The following SOX5 variants were observed in gnomAD, a reference collection of about 807,000 sequenced individuals.
SOX5 encodes the protein transcription factor SOX-5.
Under a neutral mutation model 92.0 loss-of-function variants are expected in SOX5, and 9 were observed. The observed-to-expected ratio is 0.10, with a 90% CI of 0.06 to 0.17. SOX5 has a LOEUF of 0.17. Among genes scored for constraint, SOX5 ranks in the 10% least tolerant of loss-of-function variants. SOX5 has a pLI of 1.00. For missense variants in SOX5, 642 were observed against 944.5 expected, an observed-to-expected ratio of 0.68 and a Z score of 4.20; for synonymous variants, 344 against 336.3, an observed-to-expected ratio of 1.02 and a Z score of -0.25.
At chr12:24,354,071 A>G (rs1954478025) in intron 2 of SOX5, among the ~76,000 whole-genome samples, 1 of 152,236 alleles carries the variant, frequency 6.6e-6, no homozygotes, top group Non-Finnish European at 1.5e-5. Context: ...TATAGATTAG[A>G]TTAAAACTAG....
intron 4 of SOX5, among the ~76,000 whole-genome samples, chr12:24,003,266 G>T (rs572408902): frequency 6.6e-6 from 1 of 151,982 alleles, no homozygotes; most frequent in East Asian, 1.9e-4. Context: ...CTGTTTGCTC[G>T]CATGATTTCC....
At chr12:24,270,113 G>A (rs2140317511) in intron 3 of SOX5, among the ~76,000 whole-genome samples, 1 of 152,060 alleles carries the variant, frequency 6.6e-6, no homozygotes, top group Non-Finnish European at 1.5e-5. Flanking sequence ...CCAGGCTGGA[G>A]TGCAGTGGCA....
chr12:24,475,858 TG>T (rs1253490092), intron 1 of SOX5, among the ~76,000 whole-genome samples: 2 of 152,140 alleles, frequency 1.3e-5, no homozygotes, highest in Non-Finnish European at 2.9e-5. Flanking sequence ...AGCATGTGCC[TG>T]TGGTTCCAAC....
chr12:23,616,942 A>G (rs1004908308), intron 8 of SOX5, among the ~76,000 whole-genome samples: 12 of 152,048 alleles, frequency 7.9e-5, no homozygotes, highest in African/African-American at 2.9e-4. Flanking sequence ...CAACATAGCG[A>G]AACCCCATTT....
chr12:23,897,752 C>A (rs1465847550), intron 1 of SOX5, among the ~76,000 whole-genome samples: 1 of 151,982 alleles, frequency 6.6e-6, no homozygotes, highest in Non-Finnish European at 1.5e-5. Context: ...AACAGTAAAC[C>A]GATCAGATGT....
chr12:24,095,757 A>C (rs1380901180), intron 4 of SOX5, among the ~76,000 whole-genome samples: 1 of 152,096 alleles, frequency 6.6e-6, no homozygotes. Context: ...TGTTCTTGTG[A>C]TAGTGAGTGA....
intron 4 of SOX5, among the ~76,000 whole-genome samples, chr12:24,068,761 T>C (rs1323266262): frequency 8.1e-6 from 1 of 123,646 alleles, no homozygotes; most frequent in African/African-American, 2.9e-5. Flanking sequence ...CACACACACA[T>C]TAGTTCCTAG....
chr12:24,039,150 C>G (rs985621209), intron 4 of SOX5, among the ~76,000 whole-genome samples: 1 of 152,052 alleles, frequency 6.6e-6, no homozygotes, highest in Non-Finnish European at 1.5e-5. Flanking sequence ...AAAATGTGAA[C>G]AGTCATGGAA....
intron 1 of SOX5, among the ~76,000 whole-genome samples, chr12:23,929,594 AAAC>A (rs557967734): frequency 1.1e-4 from 17 of 152,102 alleles, no homozygotes; most frequent in South Asian, 2.1e-4. Flanking sequence ...AGAGGAAAAA[AAAC>A]AACAACAACC....
chr12:24,070,687 T>C lies in SOX5; in HGVS notation c.-2+142656A>G, dbSNP rs185198804. Among the ~76,000 whole-genome samples the C allele has an allele frequency of 2.2e-4, 33 of 152,272 alleles. 1 individual carries two copies. The East Asian group carries it at 5.8e-3, about 27-fold the overall frequency. ...TTTTTTCAGTTATAAAAATGTAATATGGTATTTATGTTTAGGGAAGAGAAC... is the reference window on the plus strand; with the variant it reads ...TTTTTTCAGTTATAAAAATGTAATACGGTATTTATGTTTAGGGAAGAGAAC... On this transcript the variant is annotated intron_variant, in intron 4 of 4. Transcript: ENST00000446891.
chr12:23,760,964 A>G (rs566033125), intron 3 of SOX5, among the ~76,000 whole-genome samples: 75 of 152,238 alleles, frequency 4.9e-4, no homozygotes, highest in Non-Finnish European at 9.4e-4. Flanking sequence ...ATGATATTTG[A>G]CTTTTAAACA....
intron 4 of SOX5, among the ~76,000 whole-genome samples, chr12:24,150,353 A>G (rs545948125): frequency 1.3e-5 from 2 of 152,330 alleles, no homozygotes; most frequent in South Asian, 4.1e-4. Flanking sequence ...AGACTACAGA[A>G]GAATAGATTT....
chr12:24,236,304 C>T (rs1413198258), intron 3 of SOX5, among the ~76,000 whole-genome samples: 1 of 152,076 alleles, frequency 6.6e-6, no homozygotes, highest in African/African-American at 2.4e-5. Context: ...AGTCTATGTA[C>T]CTAGTGCTGA....
At chr12:24,186,573 C>A (rs1359194431) in intron 4 of SOX5, among the ~76,000 whole-genome samples, 1 of 151,440 alleles carries the variant, frequency 6.6e-6, no homozygotes, top group Non-Finnish European at 1.5e-5. Context: ...AAACTAATTG[C>A]CCATAAACAA....
At chr12:24,485,070 G>T (rs537237000) in intron 1 of SOX5, among the ~76,000 whole-genome samples, 2 of 152,244 alleles carry the variant, frequency 1.3e-5, no homozygotes, top group East Asian at 3.9e-4. Flanking sequence ...GAGTATTTAG[G>T]TATTAGGAAA....
intron 1 of SOX5, among the ~76,000 whole-genome samples, chr12:24,527,525 G>C (rs544337893): frequency 6.6e-6 from 1 of 152,350 alleles, no homozygotes; most frequent in East Asian, 1.9e-4. Context: ...ATATGACACT[G>C]AGACAACAAT....
chr12:24,508,493 G>A (rs1949010059), intron 1 of SOX5, among the ~76,000 whole-genome samples: 1 of 152,146 alleles, frequency 6.6e-6, no homozygotes. Context: ...TAAAGAAAAT[G>A]GATAAAGTCC....
At chr12:24,410,804 C>T (rs1963934801) in intron 1 of SOX5, among the ~76,000 whole-genome samples, 1 of 152,174 alleles carries the variant, frequency 6.6e-6, no homozygotes, top group Admixed American at 6.5e-5. Flanking sequence ...CTTTGCTTTT[C>T]AGCTGAAATT....
intron 11 of SOX5, among the ~76,000 whole-genome samples, chr12:23,558,685 C>T (rs1053996547): frequency 6.6e-6 from 1 of 152,244 alleles, no homozygotes; most frequent in Non-Finnish European, 1.5e-5. Flanking sequence ...TCACCGCAAC[C>T]TCTGCCTCCC....
Sources: allele counts gnomAD v4.1 joint callset (sites outside exome capture counted in the v4.1 genomes callset), GRCh38; gene constraint gnomAD v4.1.1; transcripts MANE v1.5; gene names NCBI Gene and HGNC (gene_info 2026-07-23, HGNC 2026-07-21).